The following N4BP2L2 variants were observed in gnomAD, a reference collection of about 807,000 sequenced individuals.
The protein encoded by N4BP2L2 is NEDD4-binding protein 2-like 2.
Under a neutral mutation model 56.2 loss-of-function variants are expected in N4BP2L2, and 50 were observed. That is an observed-to-expected ratio of 0.89 (90% confidence interval 0.71 to 1.13). N4BP2L2 has a LOEUF of 1.13. N4BP2L2 is among the 50% of genes most tolerant of loss of function. N4BP2L2 has a pLI of 0.00. For missense variants in N4BP2L2, 689 were observed against 693.8 expected, an observed-to-expected ratio of 0.99 and a Z score of 0.08; for synonymous variants, 203 against 223.6, an observed-to-expected ratio of 0.91 and a Z score of 0.82.
At chr13:32,506,949 G>T (rs2091050933), downstream of N4BP2L2, 1 of 151,516 alleles carries the variant, frequency 6.6e-6, no homozygotes, top group Admixed American at 6.6e-5. Flanking sequence ...CTGACAGAGA[G>T]AGGGCACAAG....
At chr13:32,526,185 CAT>C (rs1473123489) in intron 3 of N4BP2L2, among the ~76,000 whole-genome samples, 1 of 152,128 alleles carries the variant, frequency 6.6e-6, no homozygotes, top group African/African-American at 2.4e-5. Context: ...GGACAAACAA[CAT>C]AGTTTCTGCA....
chr13:32,445,746 C>T (rs531339882), intron 6 of N4BP2L2, among the ~76,000 whole-genome samples: 2 of 152,306 alleles, frequency 1.3e-5, no homozygotes, highest in Admixed American at 1.3e-4. Flanking sequence ...CTGCAATGCC[C>T]AGTGAAAAAT....
intron 3 of N4BP2L2, chr13:32,526,820 T>G (rs1173124449): frequency 1.8e-5 from 2 of 112,562 alleles, no homozygotes; most frequent in East Asian, 5.3e-4. Context: ...TTTTGTCTGT[T>G]TTTTTTTTTT....
chr13:32,448,878 G>A (rs1305593989), intron 6 of N4BP2L2, among the ~76,000 whole-genome samples: 1 of 152,140 alleles, frequency 6.6e-6, no homozygotes, highest in Admixed American at 6.6e-5. Context: ...AATAACTGAG[G>A]CCCAGGTCCT....
intron 6 of N4BP2L2, among the ~76,000 whole-genome samples, chr13:32,474,972 A>G (rs1003882341): frequency 6.6e-6 from 1 of 152,226 alleles, no homozygotes; most frequent in Non-Finnish European, 1.5e-5. Context: ...ACATAACTAT[A>G]TAGATGAGGT....
chr13:32,443,672 C>A, exon 7 of N4BP2L2: 2 of 1,609,820 alleles, frequency 1.2e-6, no homozygotes, highest in Non-Finnish European at 1.7e-6. Context: ...CCAGAGCAGT[C>A]ATCAGTTGTT....
intron 6 of N4BP2L2, among the ~76,000 whole-genome samples, chr13:32,493,253 G>A (rs912337757): frequency 6.6e-6 from 1 of 151,910 alleles, no homozygotes; most frequent in Non-Finnish European, 1.5e-5. Context: ...TTAAGAGATA[G>A]CTCACACCCA....
intron 6 of N4BP2L2, among the ~76,000 whole-genome samples, chr13:32,499,681 G>A (rs1234225994): frequency 1.3e-5 from 2 of 152,054 alleles, no homozygotes; most frequent in Admixed American, 6.6e-5. Flanking sequence ...CACAACCTGG[G>A]CATAAAGAGT....
intron 1 of N4BP2L2, among the ~76,000 whole-genome samples, chr13:32,538,073 G>GGA (rs2057033321): frequency 7.3e-6 from 1 of 136,124 alleles, no homozygotes; most frequent in African/African-American, 2.6e-5. Context: ...CCCGTCTTGG[G>GGA]GGGGGGGGGC....
chr13:32,460,063 C>T (rs770902507), intron 6 of N4BP2L2, among the ~76,000 whole-genome samples: 11 of 152,132 alleles, frequency 7.2e-5, no homozygotes, highest in Non-Finnish European at 1.6e-4. Context: ...ACCATATGAT[C>T]ATCTCAACAG....
chr13:32,517,069 C>T (rs2049389017), exon 6 of N4BP2L2: 1 of 973,854 alleles, frequency 1.0e-6, no homozygotes, highest in Admixed American at 6.2e-5. Flanking sequence ...AATTATATCA[C>T]ATTAAATTGA....
exon 6 of N4BP2L2, chr13:32,514,235 G>C (rs1020383298): frequency 6.6e-6 from 1 of 151,796 alleles, no homozygotes; most frequent in Non-Finnish European, 1.5e-5. Flanking sequence ...AAGATTACCT[G>C]GTTAAAAAGC....
At chr13:32,505,415 T>C (rs2090774236), downstream of N4BP2L2, 1 of 152,232 alleles carries the variant, frequency 6.6e-6, no homozygotes, top group Non-Finnish European at 1.5e-5. Context: ...ACAACTTTGA[T>C]GTTCCCTCCA....
At chr13:32,449,842 TAGA>T (rs1328197636) in intron 6 of N4BP2L2, among the ~76,000 whole-genome samples, 2 of 152,226 alleles carry the variant, frequency 1.3e-5, no homozygotes, top group African/African-American at 4.8e-5. Flanking sequence ...ACAGTTGAGT[TAGA>T]AGAACTGGAA....
intron 6 of N4BP2L2, among the ~76,000 whole-genome samples, chr13:32,467,638 A>G (rs2081462189): frequency 6.6e-6 from 1 of 152,004 alleles, no homozygotes; most frequent in Non-Finnish European, 1.5e-5. Flanking sequence ...TAGGTTAGTT[A>G]TAACATTAAT....
intron 6 of N4BP2L2, among the ~76,000 whole-genome samples, chr13:32,447,027 T>C (rs2077151678): frequency 6.6e-6 from 1 of 152,184 alleles, no homozygotes; most frequent in South Asian, 2.1e-4. Context: ...TGCCTCTCGA[T>C]TTAAAGAGAA....
chr13:32,440,025 CAAA>C (rs71071042), intron 7 of N4BP2L2, among the ~76,000 whole-genome samples: 6 of 103,862 alleles, frequency 5.8e-5, no homozygotes, highest in Admixed American at 9.6e-5. Flanking sequence ...GACTCCGTCT[CAAA>C]AAAAAAAAAA....
chr13:32,459,820 C>T (rs2079683249), intron 6 of N4BP2L2, among the ~76,000 whole-genome samples: 1 of 152,036 alleles, frequency 6.6e-6, no homozygotes. Flanking sequence ...GCCAGGATTA[C>T]CCTGATACCA....
At chr13:32,498,815 C>A (rs1272697854) in intron 6 of N4BP2L2, among the ~76,000 whole-genome samples, 1 of 149,998 alleles carries the variant, frequency 6.7e-6, no homozygotes, top group Non-Finnish European at 1.5e-5. Flanking sequence ...TCAGCCTGGG[C>A]AACATGGTGA....
Sources: gnomAD v4.1 joint callset for allele counts (sites outside exome capture counted in the v4.1 genomes callset) on GRCh38, gnomAD v4.1.1 for gene constraint, MANE v1.5 for transcripts, NCBI Gene and HGNC (gene_info 2026-07-23, HGNC 2026-07-21) for gene names.